Variants in SLC4A5 observed in about 807,000 individuals in gnomAD.
SLC4A5 encodes the protein solute carrier family 4 member 5, also known as electrogenic sodium bicarbonate cotransporter 4.
A neutral mutation model predicts 120.4 loss-of-function variants in SLC4A5; 96 were observed. The observed-to-expected ratio is 0.80, with a 90% CI of 0.68 to 0.94. The LOEUF (loss-of-function observed/expected upper bound fraction) is 0.94. Ranked by LOEUF, SLC4A5 falls within the 40% of genes least tolerant of loss-of-function variation. SLC4A5 has a pLI of 0.00. For synonymous variants in SLC4A5, 550 were observed against 571.1 expected, an observed-to-expected ratio of 0.96 and a Z score of 0.53; for missense variants, 1,259 against 1,459.5, an observed-to-expected ratio of 0.86 and a Z score of 2.24.
intron 5 of SLC4A5, among the ~76,000 whole-genome samples, chr2:74,324,976 T>C (rs1673185842): frequency 6.6e-6 from 1 of 152,174 alleles, no homozygotes; most frequent in African/African-American, 2.4e-5. Flanking sequence ...TCAAGAAAAG[T>C]AGAGAAACAG....
At chr2:74,266,916 A>G (rs1295004511) in intron 8 of SLC4A5, among the ~76,000 whole-genome samples, 1 of 152,232 alleles carries the variant, frequency 6.6e-6, no homozygotes, top group Admixed American at 6.5e-5. Flanking sequence ...ACTGAGAAAA[A>G]TATCTGCAAC....
intron 7 of SLC4A5, among the ~76,000 whole-genome samples, chr2:74,303,950 C>T (rs1444303171): frequency 1.3e-5 from 2 of 150,456 alleles, no homozygotes; most frequent in South Asian, 2.1e-4. Context: ...CCCGGGTTCA[C>T]GCCATTCTCC....
intron 25 of SLC4A5, among the ~76,000 whole-genome samples, chr2:74,228,133 G>A (rs1019754551): frequency 4.6e-5 from 7 of 152,152 alleles, no homozygotes; most frequent in Non-Finnish European, 7.3e-5. Flanking sequence ...TGCACCGTGC[G>A]GAGGCCATGT....
intron 6 of SLC4A5, among the ~76,000 whole-genome samples, chr2:74,312,767 T>C (rs1672846745): frequency 6.6e-6 from 1 of 152,000 alleles, no homozygotes; most frequent in Non-Finnish European, 1.5e-5. Flanking sequence ...ATCTCATCTC[T>C]ACTAAAAATA....
chr2:74,314,228 G>A (rs1206844149), intron 6 of SLC4A5, among the ~76,000 whole-genome samples: 1 of 152,110 alleles, frequency 6.6e-6, no homozygotes, highest in Admixed American at 6.6e-5. Context: ...GTGGGGAGTG[G>A]CTTGCCCTCC....
intron 25 of SLC4A5, among the ~76,000 whole-genome samples, chr2:74,229,551 C>T (rs1365831874): frequency 1.3e-5 from 2 of 152,058 alleles, no homozygotes; most frequent in Non-Finnish European, 2.9e-5. Context: ...CCACCACACC[C>T]AGCCTGATTC....
chr2:74,332,636 CT>C (rs1377059432), intron 4 of SLC4A5, among the ~76,000 whole-genome samples: 1 of 152,078 alleles, frequency 6.6e-6, no homozygotes. Context: ...TCTTTTGTCT[CT>C]GGAAAAAGCC....
intron 7 of SLC4A5, among the ~76,000 whole-genome samples, chr2:74,303,851 A>ATTTT (rs11287779): frequency 7.0e-6 from 1 of 143,532 alleles, no homozygotes. Flanking sequence ...CATTATTATT[A>ATTTT]TTTTTTTTTT....
rs1056946793 is a variant in SLC4A5, at chr2:74,221,559, G to A, written c.3332-58C>T. On this transcript the variant is annotated intron_variant, in intron 29 of 30. Coordinates refer to ENST00000394019, the Ensembl canonical transcript of SLC4A5. ...GCAGGTTTGAGCACCATATTTCTCC[G>A]GGCTTCCCCCACCATTTCCTTTCTT... The A allele has an allele frequency of 8.4e-5, 130 of 1,540,500 alleles. 1 individual carries two copies. The highest frequency in any genetic ancestry group is 1.8e-4 in the Admixed American group (11 of 59,814).
chr2:74,324,448 T>C (rs1673171510), intron 5 of SLC4A5, among the ~76,000 whole-genome samples: 1 of 152,182 alleles, frequency 6.6e-6, no homozygotes, highest in East Asian at 1.9e-4. Context: ...TTGCTGGGTC[T>C]CATCCCCAGA....
At chr2:74,221,545 C>A (rs1020485) in intron 29 of SLC4A5, 44 bp from the exon 30 acceptor site, 179,990 of 1,588,470 alleles carry the variant, frequency 0.11, 14,975 homozygotes, top group East Asian at 0.37. Flanking sequence ...CAGGTTTGAG[C>A]ACCATATTTC....
intron 3 of SLC4A5, among the ~76,000 whole-genome samples, chr2:74,337,023 T>C (rs1293583169): frequency 6.6e-6 from 1 of 152,182 alleles, no homozygotes; most frequent in East Asian, 1.9e-4. Context: ...GATCAAGGCA[T>C]TCCCTGCCCC....
At chr2:74,310,430 T>C (rs921791934) in intron 6 of SLC4A5, among the ~76,000 whole-genome samples, 1 of 152,186 alleles carries the variant, frequency 6.6e-6, no homozygotes, top group Non-Finnish European at 1.5e-5. Flanking sequence ...ATGTTAGCTA[T>C]AGGTTTTTTG....
At chr2:74,243,717 T>C (rs1670519891) in intron 19 of SLC4A5, among the ~76,000 whole-genome samples, 1 of 152,228 alleles carries the variant, frequency 6.6e-6, no homozygotes, top group South Asian at 2.1e-4. Context: ...CTTCTGCTTA[T>C]GCTTATCAAT....
chr2:74,325,938 G>A (rs961973222), intron 5 of SLC4A5, among the ~76,000 whole-genome samples: 6 of 151,256 alleles, frequency 4.0e-5, no homozygotes, highest in African/African-American at 1.5e-4. Context: ...GAGGAGGAAG[G>A]GAGAAGGAAG....
At chr2:74,330,778 T>C (rs903826082) in intron 4 of SLC4A5, among the ~76,000 whole-genome samples, 1 of 145,232 alleles carries the variant, frequency 6.9e-6, no homozygotes, top group Non-Finnish European at 1.5e-5. Flanking sequence ...TACATGGAGG[T>C]GGTGAGGTCT....
chr2:74,337,301 A>G (rs1673516444), intron 3 of SLC4A5, among the ~76,000 whole-genome samples: 1 of 152,188 alleles, frequency 6.6e-6, no homozygotes, highest in African/African-American at 2.4e-5. Flanking sequence ...GACCTCCACA[A>G]TAACCTGCAG....
At chr2:74,307,801 C>T in intron 6 of SLC4A5, 2 of 420,412 alleles carry the variant, frequency 4.8e-6, no homozygotes, top group Non-Finnish European at 8.4e-6. Flanking sequence ...TCTGGCCAGA[C>T]CCCCAGCCAT....
At chr2:74,219,705 TAGTC>T (rs1694563913) in intron 30 of SLC4A5, among the ~76,000 whole-genome samples, 1 of 152,178 alleles carries the variant, frequency 6.6e-6, no homozygotes, top group African/African-American at 2.4e-5. Context: ...AAATTGGGAG[TAGTC>T]AGTCAATTTC....
Sources: allele counts gnomAD v4.1 joint callset (sites outside exome capture counted in the v4.1 genomes callset), GRCh38; gene constraint gnomAD v4.1.1; transcripts MANE v1.5; gene names NCBI Gene and HGNC (gene_info 2026-07-23, HGNC 2026-07-21).